Variants in HBS1L observed in about 807,000 individuals in gnomAD.
HBS1L encodes HBS1-like protein.
Under a neutral mutation model 88.9 loss-of-function variants are expected in HBS1L, and 55 were observed. That is an observed-to-expected ratio of 0.62 (90% CI 0.50 to 0.77). HBS1L has a LOEUF of 0.77. Among genes scored for constraint, HBS1L ranks in the 30% least tolerant of loss-of-function variants. The probability of loss-of-function intolerance (pLI) is 0.00; values close to 1 mark genes in which losing one functional copy is unlikely to be tolerated. For synonymous variants in HBS1L, 267 were observed against 288.5 expected (o/e 0.93, Z 0.76); for missense variants, 741 against 829.3 (o/e 0.89, Z 1.31).
At chr6:135,028,968 A>G (rs1776312732) in intron 4 of HBS1L, among the ~76,000 whole-genome samples, 1 of 152,076 alleles carries the variant, frequency 6.6e-6, no homozygotes, top group South Asian at 2.1e-4. Flanking sequence ...GAGTGAAAAA[A>G]ATAAGACAGC....
At chr6:134,995,419 TC>T (rs1775262332) in intron 7 of HBS1L, among the ~76,000 whole-genome samples, 1 of 151,860 alleles carries the variant, frequency 6.6e-6, no homozygotes, top group African/African-American at 2.4e-5. Context: ...AAAACTTATA[TC>T]ATGCTGAGCA....
Position 135,042,144 on chromosome 6 carries a change from C to G in HBS1L, c.110-18G>C. The G allele has an allele frequency of 1.2e-6, 2 of 1,608,036 alleles. No homozygotes were observed. Among genetic ancestry groups the G allele is most frequent in the African/African-American group, 1.3e-5 (1 of 74,842 alleles). ...CTGAGCAGCTAGAATATAAAATGAT[C>G]AAAGAATGCTATGGTATAGCCATTT... On this transcript the variant is annotated intron_variant, in intron 2 of 17. Coordinates refer to ENST00000367837, the MANE Select transcript of HBS1L (RefSeq NM_006620.4).
chr6:134,972,620 G>A (rs1774521964), intron 15 of HBS1L, among the ~76,000 whole-genome samples: 1 of 152,110 alleles, frequency 6.6e-6, no homozygotes, highest in South Asian at 2.1e-4. Context: ...AAAAACTTTT[G>A]TGCAACAAAG....
chr6:135,053,701 G>A (rs1193510069), intron 1 of HBS1L, among the ~76,000 whole-genome samples: 1 of 152,220 alleles, frequency 6.6e-6, no homozygotes, highest in African/African-American at 2.4e-5. Flanking sequence ...GGGTGCCAAT[G>A]ACAATCACCA....
chr6:134,985,335 A>G lies in HBS1L; in HGVS notation c.1492+6T>C. 1.9e-6 allele frequency: 3 copies of G among 1,582,332 alleles called. No individual in the cohort carries two copies. Among genetic ancestry groups the G allele is most frequent in the Non-Finnish European group, 2.6e-6 (3 of 1,155,848 alleles). On this transcript the variant is annotated splice_donor_region_variant and intron_variant, in intron 12 of 17. Transcript: ENST00000367837. ...ACTGAAGAAGCACTACAAAGGTAGC[A>G]CTTACCTTTGAAAACATCGGACACA...
At chr6:135,016,528 A>T (rs777730734) in intron 4 of HBS1L, among the ~76,000 whole-genome samples, 1 of 152,202 alleles carries the variant, frequency 6.6e-6, no homozygotes, top group Non-Finnish European at 1.5e-5. Flanking sequence ...AGAAAGGTAT[A>T]TTCAGGCTCT....
rs138764591 is a variant in HBS1L at position 134,966,208 on chromosome 6, G to A, written c.2043+121C>T. ...ACCACTACAACCTAAAATGAGTAAGGCTTCTCCTAATCAATGCTTTTTCTT... is the reference window on the plus strand; with the variant it reads ...ACCACTACAACCTAAAATGAGTAAGACTTCTCCTAATCAATGCTTTTTCTT... On this transcript the variant is annotated intron_variant, in intron 17 of 17. Transcript: ENST00000367837. 136 of 816,396 alleles carry A rather than the reference G, an allele frequency of 1.7e-4. 2 individuals carry two copies. In the South Asian group the frequency reaches 3.0e-3, roughly 18 times the overall value. 50.6% of individuals were successfully genotyped at this position (816,396 alleles called of 1,614,324 possible).
intron 12 of HBS1L, among the ~76,000 whole-genome samples, chr6:134,984,511 C>T (rs934433049): frequency 2.0e-5 from 3 of 152,094 alleles, no homozygotes; most frequent in Admixed American, 6.6e-5. Flanking sequence ...CAGGTAAGCA[C>T]GCCGGTTACC....
intron 15 of HBS1L, among the ~76,000 whole-genome samples, chr6:134,976,284 AG>A (rs898837613): frequency 1.2e-4 from 19 of 152,222 alleles, no homozygotes; most frequent in African/African-American, 4.3e-4. Context: ...GCGATGAAGA[AG>A]GGAACACTTG....
intron 4 of HBS1L, among the ~76,000 whole-genome samples, chr6:135,024,043 G>A (rs1394817793): frequency 2.6e-5 from 4 of 151,932 alleles, no homozygotes; most frequent in East Asian, 3.8e-4. Context: ...GTGAAACCTC[G>A]CTCCACATAA....
intron 4 of HBS1L, among the ~76,000 whole-genome samples, chr6:135,039,037 G>A (rs111681162): frequency 6.6e-6 from 1 of 152,252 alleles, no homozygotes; most frequent in African/African-American, 2.4e-5. Context: ...GTGAGGCCAG[G>A]TACAGTGGCT....
At chr6:134,984,284 T>A (rs1396580000) in intron 12 of HBS1L, among the ~76,000 whole-genome samples, 2 of 152,198 alleles carry the variant, frequency 1.3e-5, no homozygotes, top group Non-Finnish European at 2.9e-5. Context: ...TCAAAGCACC[T>A]TCATTCATTC....
chr6:135,030,053 CCT>C (rs1460420303), intron 4 of HBS1L, among the ~76,000 whole-genome samples: 1 of 152,156 alleles, frequency 6.6e-6, no homozygotes, highest in Non-Finnish European at 1.5e-5. Flanking sequence ...AAAAGCCTTG[CCT>C]ACGTTTATGT....
intron 4 of HBS1L, among the ~76,000 whole-genome samples, chr6:135,039,249 G>A (rs1413691245): frequency 6.6e-6 from 1 of 152,108 alleles, no homozygotes; most frequent in African/African-American, 2.4e-5. Flanking sequence ...AACCCAGGAG[G>A]TGGAGGCTGC....
At chr6:135,006,668 A>AT in intron 4 of HBS1L, among the ~76,000 whole-genome samples, 1 of 152,342 alleles carries the variant, frequency 6.6e-6, no homozygotes, top group Middle Eastern at 3.4e-3. Context: ...AGGAAAATAG[A>AT]TTGAGAATTA....
intron 15 of HBS1L, among the ~76,000 whole-genome samples, chr6:134,972,158 G>A (rs1365288411): frequency 1.3e-5 from 2 of 151,960 alleles, no homozygotes. Context: ...GTAAAGGCTG[G>A]GATTCTATTC....
intron 15 of HBS1L, among the ~76,000 whole-genome samples, chr6:134,978,357 A>G (rs1390099770): frequency 6.6e-6 from 1 of 152,024 alleles, no homozygotes; most frequent in Non-Finnish European, 1.5e-5. Context: ...TAACTAAGAA[A>G]AACTTAGAAG....
At position 135,037,235 on chromosome 6, in the gene HBS1L, G is replaced by T. The variant is rs759228421; in HGVS notation, c.430+2338C>A. On this transcript the variant is annotated intron_variant, in intron 4 of 17. Coordinates refer to ENST00000367837, the MANE Select transcript of HBS1L (RefSeq NM_006620.4). ...GACAGGGGAAAGGATCCCAAACTTA[G>T]ATCTGTGAAACTGGCAGATGACTGG... is the stretch of plus-strand genomic sequence containing the variant. The T allele has an allele frequency of 3.2e-6, 5 of 1,551,938 alleles. 1 individual carries two copies. In the South Asian group the frequency reaches 5.9e-5, roughly 18 times the overall value.
intron 15 of HBS1L, among the ~76,000 whole-genome samples, chr6:134,976,640 G>T (rs1046939775): frequency 3.9e-5 from 6 of 152,070 alleles, no homozygotes; most frequent in Non-Finnish European, 7.4e-5. Context: ...TCTAAGAGAA[G>T]TAACTTAGGA....
Sources: allele counts gnomAD v4.1 joint callset (sites outside exome capture counted in the v4.1 genomes callset), GRCh38; gene constraint gnomAD v4.1.1; transcripts MANE v1.5; gene names NCBI Gene and HGNC (gene_info 2026-07-23, HGNC 2026-07-21).